TTC6: variants seen among roughly 807,000 people sequenced by gnomAD.
The protein encoded by TTC6 is tetratricopeptide repeat protein 6.
A neutral mutation model predicts 210.4 loss-of-function variants in TTC6; 172 were observed. That is an observed-to-expected ratio of 0.82 (90% CI 0.72 to 0.93). The LOEUF is 0.93. Among genes scored for constraint, TTC6 ranks in the 40% least tolerant of loss-of-function variants. TTC6 has a pLI of 0.00. For missense variants in TTC6, 2,414 were observed against 2,318.1 expected, an observed-to-expected ratio of 1.04 and a Z score of -0.85; for synonymous variants, 804 against 819.6, an observed-to-expected ratio of 0.98 and a Z score of 0.32.
At chr14:37,622,180 A>T (rs1485355839) in exon 1 of TTC6, 1 of 1,535,470 alleles carries the variant, frequency 6.5e-7, no homozygotes, top group East Asian at 2.5e-5. Context: ...TTCAAGCAGA[A>T]GTTGGCCTCC....
chr14:37,767,726 A>G (rs1406102066), intron 14 of TTC6, among the ~76,000 whole-genome samples: 1 of 151,830 alleles, frequency 6.6e-6, no homozygotes, highest in African/African-American at 2.4e-5. Context: ...GTAGGCTGCG[A>G]AAATTTTCTC....
intron 14 of TTC6, among the ~76,000 whole-genome samples, chr14:37,754,028 G>A (rs1040951): frequency 0.22 from 33,679 of 151,710 alleles, 3,984 homozygotes; most frequent in East Asian, 0.45. Flanking sequence ...ATATAATCAC[G>A]TCTACTGATC....
At chr14:37,827,447 A>C in intron 29 of TTC6, 81 bp downstream of exon 31, 1 of 1,353,586 alleles carries the variant, frequency 7.4e-7, no homozygotes, top group South Asian at 1.5e-5. Context: ...TATAATTCAT[A>C]CAATCTCAGG....
intron 1 of TTC6, among the ~76,000 whole-genome samples, chr14:37,645,624 A>G (rs2095700191): frequency 6.6e-6 from 1 of 152,216 alleles, no homozygotes. Flanking sequence ...GAAGGAAGTA[A>G]GGGAACAAGC....
In TTC6 at chr14:37,668,856, T is replaced by C. The variant is rs139283324; in HGVS notation, c.940-11295T>C. ...GATGATAAGGATTCATTCCAGGTCA[T>C]TGAGTCATGAGGAAGCTTGGAAAGT... is the stretch of plus-strand genomic sequence containing the variant. On this transcript the variant is annotated intron_variant, in intron 1 of 30. Coordinates refer to ENST00000553443, the Ensembl canonical transcript of TTC6. 3.6e-3 allele frequency among the ~76,000 whole-genome samples: 543 copies of C among 152,296 alleles called. 4 individuals are homozygous for C. The highest frequency in any genetic ancestry group is 0.013 in the African/African-American group (520 of 41,574).
chr14:37,642,626 C>G lies in TTC6; in HGVS notation c.939+19623C>G, dbSNP rs552526154. Among the ~76,000 whole-genome samples, 3 of 152,294 alleles carry G rather than the reference C, an allele frequency of 2.0e-5. No homozygotes were observed. The East Asian group carries it at 5.8e-4, about 29-fold the overall frequency. ...GGGCATGGGTTATATGAGTCCCTAT[C>G]TCTTTTTTTGGAAGAAGAGCTACTT... On this transcript the variant is annotated intron_variant, in intron 1 of 30. Coordinates refer to ENST00000553443, the Ensembl canonical transcript of TTC6.
chr14:37,663,757 T>A (rs559366392), intron 1 of TTC6, among the ~76,000 whole-genome samples: 1 of 152,306 alleles, frequency 6.6e-6, no homozygotes, highest in Admixed American at 6.5e-5. Context: ...AAAAACCCTG[T>A]TGTCTCAGAC....
chr14:37,685,427 A>G (rs1351040065), intron 3 of TTC6, among the ~76,000 whole-genome samples: 1 of 152,234 alleles, frequency 6.6e-6, no homozygotes, highest in Non-Finnish European at 1.5e-5. Flanking sequence ...AAGAACAAAA[A>G]CAAGTATTTT....
At chr14:37,836,095 T>A (rs1401495606) in intron 29 of TTC6, among the ~76,000 whole-genome samples, 1 of 152,214 alleles carries the variant, frequency 6.6e-6, no homozygotes, top group Non-Finnish European at 1.5e-5. Context: ...TGAATTGATC[T>A]CTCCATCCAT....
chr14:37,633,169 A>G (rs571740438), intron 1 of TTC6, among the ~76,000 whole-genome samples: 1 of 152,164 alleles, frequency 6.6e-6, no homozygotes, highest in Non-Finnish European at 1.5e-5. Context: ...CCACTGGGGT[A>G]TGAAATAAAA....
intron 2 of TTC6, among the ~76,000 whole-genome samples, chr14:37,616,739 CAAAA>C (rs11416796): frequency 2.0e-5 from 2 of 98,258 alleles, no homozygotes. Flanking sequence ...TACTCCATCT[CAAAA>C]AAAAAAAAAA....
At chr14:37,842,206 T>C in exon 31 of TTC6, 1 of 1,609,094 alleles carries the variant, frequency 6.2e-7, no homozygotes, top group Non-Finnish European at 8.5e-7. Context: ...AGAGCAAAAG[T>C]TCGTGGTAAA....
intron 14 of TTC6, among the ~76,000 whole-genome samples, chr14:37,783,718 A>T (rs2096060972): frequency 6.6e-6 from 1 of 151,702 alleles, no homozygotes; most frequent in South Asian, 2.1e-4. Context: ...TTTATTTGTG[A>T]TGTTAGGATA....
At chr14:37,801,671 G>C (rs2096106933) in intron 20 of TTC6, among the ~76,000 whole-genome samples, 1 of 152,150 alleles carries the variant, frequency 6.6e-6, no homozygotes. Context: ...TGGGACCTGA[G>C]TGCAGCCAAC....
At chr14:37,780,834 T>A (rs2096052635) in intron 14 of TTC6, among the ~76,000 whole-genome samples, 1 of 152,146 alleles carries the variant, frequency 6.6e-6, no homozygotes, top group African/African-American at 2.4e-5. Flanking sequence ...TGTGTCTATG[T>A]GTTCTCGTTG....
intron 14 of TTC6, among the ~76,000 whole-genome samples, chr14:37,759,124 G>C (rs12890063): frequency 1.3e-5 from 2 of 151,752 alleles, no homozygotes; most frequent in African/African-American, 4.8e-5. Flanking sequence ...TTAGCCAGGC[G>C]TGGTGGCATA....
chr14:37,752,969 T>G (rs552813242), intron 13 of TTC6, 130 bp from the exon 16 acceptor site: 35 of 601,466 alleles, frequency 5.8e-5, no homozygotes, highest in Non-Finnish European at 8.4e-5. Flanking sequence ...ACTCTGAAAA[T>G]TTTGACATCT....
intron 10 of TTC6, among the ~76,000 whole-genome samples, chr14:37,741,866 G>A (rs11845119): frequency 0.037 from 5,636 of 152,154 alleles, 212 homozygotes; most frequent in African/African-American, 0.1. Context: ...GGTTGCCAAA[G>A]TTTGCAATAA....
chr14:37,746,182 T>C (rs76910940), intron 10 of TTC6, among the ~76,000 whole-genome samples: 10 of 152,272 alleles, frequency 6.6e-5, no homozygotes, highest in Middle Eastern at 3.4e-3. Context: ...ATTATTCCCA[T>C]TGGAATCAGT....
Sources: gnomAD v4.1 joint callset for allele counts (sites outside exome capture counted in the v4.1 genomes callset) on GRCh38, gnomAD v4.1.1 for gene constraint, MANE v1.5 for transcripts, NCBI Gene and HGNC (gene_info 2026-07-23, HGNC 2026-07-21) for gene names.